DENND1A: variants seen among roughly 807,000 people sequenced by gnomAD.
DENND1A encodes the protein DENN domain-containing protein 1A.
DENND1A carries 51 observed loss-of-function variants against 113.7 expected under a neutral mutation model. The ratio of observed to expected loss-of-function variants is 0.45; its 90% CI spans 0.36 to 0.57. The LOEUF (loss-of-function observed/expected upper bound fraction) is 0.57. DENND1A is among the 20% of genes least tolerant of loss of function. DENND1A has a pLI of 0.00. For missense variants in DENND1A, 1,258 were observed against 1,395.9 expected, an observed-to-expected ratio of 0.90 and a Z score of 1.57; for synonymous variants, 565 against 570.8, an observed-to-expected ratio of 0.99 and a Z score of 0.14.
At chr9:123,383,525 T>G (rs2042393988) in intron 23 of DENND1A, 130 bp downstream of exon 23, 1 of 1,423,830 alleles carries the variant, frequency 7.0e-7, no homozygotes, top group African/African-American at 1.4e-5. Flanking sequence ...ACACTGACCC[T>G]GAGCATTGGC....
At chr9:123,417,795 C>T (rs2044861029) in intron 19 of DENND1A, among the ~76,000 whole-genome samples, 1 of 152,070 alleles carries the variant, frequency 6.6e-6, no homozygotes, top group Non-Finnish European at 1.5e-5. Context: ...CAGTGCGTGG[C>T]ATCCCAGGCA....
At chr9:123,802,237 A>T (rs1398611137) in intron 2 of DENND1A, among the ~76,000 whole-genome samples, 1 of 152,094 alleles carries the variant, frequency 6.6e-6, no homozygotes, top group Non-Finnish European at 1.5e-5. Context: ...CAAGAGTTGG[A>T]TGTTTCTTCC....
At chr9:123,896,767 C>A (rs1850821024) in intron 1 of DENND1A, among the ~76,000 whole-genome samples, 1 of 151,890 alleles carries the variant, frequency 6.6e-6, no homozygotes, top group Admixed American at 6.6e-5. Context: ...AAAGATACAA[C>A]CAGGGAGAGA....
chr9:123,581,530 T>C (rs1001926588), intron 12 of DENND1A, among the ~76,000 whole-genome samples: 2 of 151,112 alleles, frequency 1.3e-5, no homozygotes, highest in Admixed American at 6.6e-5. Context: ...GAGGCTGAGG[T>C]AGGAGGATCA....
At chr9:123,599,955 A>T (rs1476488107) in intron 11 of DENND1A, among the ~76,000 whole-genome samples, 2 of 152,146 alleles carry the variant, frequency 1.3e-5, no homozygotes, top group Non-Finnish European at 1.5e-5. Context: ...CATGGTGTTA[A>T]ACAAAACCAC....
chr9:123,602,218 A>G (rs1218574587), intron 11 of DENND1A, among the ~76,000 whole-genome samples: 1 of 152,196 alleles, frequency 6.6e-6, no homozygotes, highest in African/African-American at 2.4e-5. Context: ...TATGCTTTAA[A>G]TTGTCTCTAG....
At chr9:123,712,243 G>T (rs868647870) in intron 5 of DENND1A, among the ~76,000 whole-genome samples, 1 of 152,118 alleles carries the variant, frequency 6.6e-6, no homozygotes, top group Non-Finnish European at 1.5e-5. Context: ...CTCACCCTCA[G>T]TATCTGATCT....
chr9:123,597,274 T>C (rs970231242), intron 11 of DENND1A, among the ~76,000 whole-genome samples: 6 of 152,212 alleles, frequency 3.9e-5, no homozygotes, highest in African/African-American at 1.2e-4. Flanking sequence ...CATGGCTTAG[T>C]GAGAATTACG....
intron 1 of DENND1A, among the ~76,000 whole-genome samples, chr9:123,883,405 G>T (rs1409722273): frequency 6.6e-6 from 1 of 152,202 alleles, no homozygotes; most frequent in East Asian, 1.9e-4. Flanking sequence ...AATGATGGGT[G>T]TGATCATCCA....
intron 1 of DENND1A, among the ~76,000 whole-genome samples, chr9:123,925,416 G>A (rs1564517915): frequency 1.3e-5 from 2 of 151,802 alleles, no homozygotes; most frequent in Non-Finnish European, 2.9e-5. Flanking sequence ...TCACCTATTC[G>A]TCACCAGCGG....
intron 13 of DENND1A, chr9:123,485,768 T>C (rs1403528077): frequency 6.6e-6 from 1 of 151,936 alleles, no homozygotes; most frequent in African/African-American, 2.4e-5. Flanking sequence ...GCACTCACCT[T>C]TGAGGAGCAT....
At chr9:123,454,332 C>T (rs1482583825) in intron 16 of DENND1A, among the ~76,000 whole-genome samples, 1 of 152,264 alleles carries the variant, frequency 6.6e-6, no homozygotes, top group Non-Finnish European at 1.5e-5. Context: ...CAACAACAGT[C>T]AACCTCCCAG....
chr9:123,379,952 A>G lies in DENND1A; in HGVS notation c.*1480T>C, dbSNP rs914023469. On this transcript the variant is annotated 3_prime_UTR_variant, in exon 24 of 24. Transcript: ENST00000394215. ...GGCCCAGGAGTGACACGGCTCCCCC[A>G]GCAGCCAGAGCCCATTCCTGAGCCA... is the stretch of plus-strand genomic sequence containing the variant. 1 of 152,334 alleles carries G rather than the reference A, an allele frequency of 6.6e-6. No individual in the cohort carries two copies. The highest frequency in any genetic ancestry group is 1.5e-5 in the Non-Finnish European group (1 of 68,118). 9.4% of individuals were successfully genotyped at this position (152,334 alleles called of 1,614,324 possible). A position where few individuals can be genotyped will look rare whatever the true frequency, so the allele number is the denominator to read the frequency against.
At chr9:123,825,081 A>G (rs185311277) in intron 2 of DENND1A, among the ~76,000 whole-genome samples, 47 of 152,276 alleles carry the variant, frequency 3.1e-4, no homozygotes, top group African/African-American at 1.1e-3. Context: ...CACTGAGAAT[A>G]AAATGCACCA....
At chr9:123,392,083 G>A (rs1204537931) in intron 21 of DENND1A, among the ~76,000 whole-genome samples, 3 of 152,192 alleles carry the variant, frequency 2.0e-5, no homozygotes, top group East Asian at 1.9e-4. Context: ...GCCGGTTAGC[G>A]CGCGCGTGTG....
intron 2 of DENND1A, among the ~76,000 whole-genome samples, chr9:123,840,105 A>T (rs1392149931): frequency 6.7e-6 from 1 of 150,302 alleles, no homozygotes; most frequent in Non-Finnish European, 1.5e-5. Flanking sequence ...TTTTTCAAGA[A>T]TTCTGGATCA....
rs569714995 is a variant in DENND1A, at chr9:123,450,667, A to G, written c.1356+26T>C. On this transcript the variant is annotated intron_variant, in intron 18 of 23. Transcript: ENST00000394215. Reference sequence around the variant, plus strand: ...CATGCATTTCATACATGGTGCTTATACATTTTGAATAAGAACTTCAAGTAC... The same window carrying G: ...CATGCATTTCATACATGGTGCTTATGCATTTTGAATAAGAACTTCAAGTAC... The G allele has an allele frequency of 8.1e-6, 13 of 1,599,264 alleles. No individual in the cohort carries two copies. The Admixed American group carries it at 1.0e-4, about 13-fold the overall frequency.
intron 2 of DENND1A, among the ~76,000 whole-genome samples, chr9:123,805,197 A>C (rs1835331019): frequency 6.6e-6 from 1 of 151,624 alleles, no homozygotes; most frequent in African/African-American, 2.4e-5. Context: ...TCCTATCCCC[A>C]CCATTCCTCA....
chr9:123,687,271 T>A (rs1409483872), intron 5 of DENND1A, among the ~76,000 whole-genome samples: 1 of 152,198 alleles, frequency 6.6e-6, no homozygotes, highest in East Asian at 1.9e-4. Flanking sequence ...TGAACTTGAA[T>A]TTATAACCCA....
Sources: gnomAD v4.1 joint callset for allele counts (sites outside exome capture counted in the v4.1 genomes callset) on GRCh38, gnomAD v4.1.1 for gene constraint, MANE v1.5 for transcripts, NCBI Gene and HGNC (gene_info 2026-07-23, HGNC 2026-07-21) for gene names.